The following TMEM116 variants were observed in gnomAD, a reference collection of about 807,000 sequenced individuals.
TMEM116 encodes the protein transmembrane protein 116.
In TMEM116, 38 loss-of-function variants were observed where a neutral mutation model predicts 44.3. The observed-to-expected ratio is 0.86, with a 90% CI of 0.66 to 1.12. The LOEUF is 1.12. Among genes scored for constraint, TMEM116 ranks in the 50% most tolerant of loss-of-function variants. The pLI, the probability that TMEM116 is intolerant of heterozygous loss-of-function variation, is 0.00. For synonymous variants in TMEM116, 132 were observed against 144.8 expected (o/e 0.91, Z 0.64); for missense variants, 354 against 401.7 (o/e 0.88, Z 1.01).
chr12:112,003,310 T>TTTG (rs1191110074), intron 3 of TMEM116, among the ~76,000 whole-genome samples: 2 of 152,196 alleles, frequency 1.3e-5, no homozygotes, highest in African/African-American at 4.8e-5. Context: ...GGCTCACGCC[T>TTTG]GTAATCCCAG....
At chr12:111,972,904 C>A (rs778922031) in intron 4 of TMEM116, among the ~76,000 whole-genome samples, 1 of 150,650 alleles carries the variant, frequency 6.6e-6, no homozygotes, top group Non-Finnish European at 1.5e-5. Flanking sequence ...AAAAAACACG[C>A]CAAGGCAGAT....
At chr12:111,935,115 G>A (rs1299732720) in intron 8 of TMEM116, 1 of 152,154 alleles carries the variant, frequency 6.6e-6, no homozygotes, top group Admixed American at 6.5e-5. Context: ...TTTTTTTAGA[G>A]ATGGAGTCTT....
At chr12:112,009,857 AC>A (rs984454147) in intron 1 of TMEM116, among the ~76,000 whole-genome samples, 3 of 151,980 alleles carry the variant, frequency 2.0e-5, no homozygotes, top group Non-Finnish European at 2.9e-5. Flanking sequence ...AAAAAAAAAA[AC>A]AAAACAAAAC....
intron 4 of TMEM116, among the ~76,000 whole-genome samples, chr12:111,960,536 C>T (rs905196756): frequency 2.8e-5 from 4 of 142,920 alleles, no homozygotes; most frequent in Non-Finnish European, 6.1e-5. Flanking sequence ...ACTCAAACCA[C>T]ACAACTACAT....
chr12:112,000,361 TA>T (rs2077184259), intron 3 of TMEM116, among the ~76,000 whole-genome samples: 1 of 152,110 alleles, frequency 6.6e-6, no homozygotes, highest in African/African-American at 2.4e-5. Flanking sequence ...CAAAACTTTT[TA>T]AAAAAATTCA....
Position 111,953,188 on chromosome 12 carries a change from C to T in TMEM116, c.211-9819G>A, listed in dbSNP as rs1039481876. Among the ~76,000 whole-genome samples, 4 of 152,150 alleles carry T rather than the reference C, an allele frequency of 2.6e-5. No individual in the cohort carries two copies. In the South Asian group the frequency reaches 8.4e-4, roughly 32 times the overall value. On this transcript the variant is annotated intron_variant, in intron 4 of 10. Transcript: ENST00000552374. Reference sequence around the variant, plus strand: ...AATAGACTCCACCTGGTAGACTTACCCTGTGAGCCACTCCCTCCAAACTTC... The same window carrying T: ...AATAGACTCCACCTGGTAGACTTACTCTGTGAGCCACTCCCTCCAAACTTC...
chr12:111,947,472 G>A lies in TMEM116; in HGVS notation c.211-4103C>T, dbSNP rs2073379423. On this transcript the variant is annotated intron_variant, in intron 4 of 10. Transcript: ENST00000552374. The stretch of plus-strand genomic sequence containing the variant: ...AAAACATTGTCAAAAGGTAAGTGAT[G>A]TTAGATCTACTTTCAGTTACTTTTA... Among the ~76,000 whole-genome samples the A allele has an allele frequency of 2.0e-5, 3 of 152,122 alleles. No individual in the cohort carries two copies. In the South Asian group the frequency reaches 6.2e-4, roughly 31 times the overall value.
intron 4 of TMEM116, among the ~76,000 whole-genome samples, chr12:111,990,897 A>G (rs1268801038): frequency 3.3e-5 from 5 of 152,214 alleles, no homozygotes; most frequent in African/African-American, 1.2e-4. Flanking sequence ...ATACGGTCAC[A>G]ATATGATAAA....
At chr12:111,982,511 G>C (rs1170596612) in intron 4 of TMEM116, among the ~76,000 whole-genome samples, 1 of 152,114 alleles carries the variant, frequency 6.6e-6, no homozygotes, top group Non-Finnish European at 1.5e-5. Flanking sequence ...GTGTTGTCCA[G>C]GCTGGTTGCG....
intron 4 of TMEM116, among the ~76,000 whole-genome samples, chr12:111,972,051 G>A (rs1375335903): frequency 7.0e-6 from 1 of 141,850 alleles, no homozygotes; most frequent in African/African-American, 2.7e-5. Flanking sequence ...CTCCAGCCTA[G>A]GTGACAGAAT....
intron 4 of TMEM116, among the ~76,000 whole-genome samples, chr12:111,966,607 GTGTTAGACCACA>G (rs2075001803): frequency 6.6e-6 from 1 of 152,176 alleles, no homozygotes; most frequent in South Asian, 2.1e-4. Flanking sequence ...CGTAAAAGAG[GTGTTAGACCACA>G]TAAAATGGGG....
Position 112,013,105 on chromosome 12 carries a change from A to T in TMEM116, c.-137T>A, listed in dbSNP as rs1018685971. 8.4e-6 allele frequency: 2 copies of T among 237,564 alleles called. No homozygotes were observed. Among genetic ancestry groups the T allele is most frequent in the South Asian group, 2.7e-4 (2 of 7,542 alleles). 14.7% of individuals were successfully genotyped at this position (237,564 alleles called of 1,614,324 possible). A position where few individuals can be genotyped will look rare whatever the true frequency, so the allele number is the denominator to read the frequency against. ...GAAGGAGAGGAAGGACAGCAAACGA[A>T]TTGCTATAGCGTCCCCATGCGCACT... is the stretch of plus-strand genomic sequence containing the variant. On this transcript the variant is annotated 5_prime_UTR_variant, in exon 1 of 11. Transcript: ENST00000552374.
chr12:111,933,255 A>T (rs2071807224), intron 9 of TMEM116, among the ~76,000 whole-genome samples: 1 of 151,670 alleles, frequency 6.6e-6, no homozygotes, highest in Admixed American at 6.6e-5. Flanking sequence ...AAAAAAAAAA[A>T]AATTATCTAA....
chr12:111,940,605 C>T (rs1208156602), intron 5 of TMEM116, among the ~76,000 whole-genome samples: 3 of 136,860 alleles, frequency 2.2e-5, no homozygotes, highest in Non-Finnish European at 3.2e-5. Context: ...AGCTTTTCTT[C>T]TTGAAACCAG....
intron 4 of TMEM116, among the ~76,000 whole-genome samples, chr12:111,960,002 A>G (rs1168725863): frequency 6.6e-6 from 1 of 152,232 alleles, no homozygotes; most frequent in Non-Finnish European, 1.5e-5. Flanking sequence ...AAGCGGACCT[A>G]ATAGACATCT....
intron 4 of TMEM116, among the ~76,000 whole-genome samples, chr12:111,952,592 G>A (rs186729716): frequency 2.0e-5 from 3 of 152,286 alleles, no homozygotes; most frequent in Non-Finnish European, 4.4e-5. Flanking sequence ...GACTGTGAAA[G>A]GCACACCCAC....
intron 4 of TMEM116, among the ~76,000 whole-genome samples, chr12:111,981,336 A>C (rs2075928946): frequency 6.6e-6 from 1 of 152,186 alleles, no homozygotes; most frequent in Non-Finnish European, 1.5e-5. Flanking sequence ...TTTTGGTAAG[A>C]GAGTGTTATG....
At chr12:111,949,737 C>G (rs1412806189) in intron 4 of TMEM116, among the ~76,000 whole-genome samples, 1 of 152,112 alleles carries the variant, frequency 6.6e-6, no homozygotes, top group Non-Finnish European at 1.5e-5. Flanking sequence ...GGACTAGATC[C>G]TAAAATCTTC....
chr12:111,937,525 A>G (rs1364361989), intron 6 of TMEM116, among the ~76,000 whole-genome samples: 1 of 152,202 alleles, frequency 6.6e-6, no homozygotes, highest in Non-Finnish European at 1.5e-5. Context: ...TCAGATAAAA[A>G]TGCAAGTGAG....
Sources: gnomAD v4.1 joint callset for allele counts (sites outside exome capture counted in the v4.1 genomes callset) on GRCh38, gnomAD v4.1.1 for gene constraint, MANE v1.5 for transcripts, NCBI Gene and HGNC (gene_info 2026-07-23, HGNC 2026-07-21) for gene names.